The following TMEM132D variants were observed in gnomAD, a reference collection of about 807,000 sequenced individuals.
The protein encoded by TMEM132D is transmembrane protein 132D.
TMEM132D carries 21 observed loss-of-function variants against 62.3 expected under a neutral mutation model. The observed-to-expected ratio is 0.34, with a 90% CI of 0.24 to 0.49. TMEM132D has a LOEUF of 0.49. Among genes scored for constraint, TMEM132D ranks in the 20% least tolerant of loss-of-function variants. The probability of loss-of-function intolerance (pLI) is 0.99; values close to 1 mark genes in which losing one functional copy is unlikely to be tolerated. For synonymous variants in TMEM132D, 621 were observed against 575.6 expected, an observed-to-expected ratio of 1.08 and a Z score of -1.13; for missense variants, 1,346 against 1,402.8, an observed-to-expected ratio of 0.96 and a Z score of 0.65.
chr12:129,648,880 G>A (rs1879854999), intron 2 of TMEM132D, among the ~76,000 whole-genome samples: 1 of 151,918 alleles, frequency 6.6e-6, no homozygotes, highest in African/African-American at 2.4e-5. Context: ...TATATAATTG[G>A]TAAATTAAAA....
chr12:129,378,385 A>C (rs1391241547), intron 3 of TMEM132D, among the ~76,000 whole-genome samples: 1 of 152,026 alleles, frequency 6.6e-6, no homozygotes. Context: ...ACCACCCAGC[A>C]CTCTTGAAAC....
intron 2 of TMEM132D, among the ~76,000 whole-genome samples, chr12:129,620,483 T>C (rs542753393): frequency 6.6e-6 from 1 of 152,248 alleles, no homozygotes; most frequent in South Asian, 2.1e-4. Flanking sequence ...CCTGTAATCC[T>C]AGCTGCTCGG....
intron 3 of TMEM132D, among the ~76,000 whole-genome samples, chr12:129,452,423 C>G (rs985041083): frequency 2.0e-5 from 3 of 152,208 alleles, no homozygotes; most frequent in African/African-American, 7.2e-5. Context: ...ATTTGGCTCA[C>G]ATTCCTTCCT....
At chr12:129,674,677 T>C (rs1209678785) in intron 2 of TMEM132D, among the ~76,000 whole-genome samples, 2 of 152,106 alleles carry the variant, frequency 1.3e-5, no homozygotes, top group Admixed American at 6.5e-5. Context: ...GTAGCTGGGA[T>C]TACAGGCACA....
intron 3 of TMEM132D, among the ~76,000 whole-genome samples, chr12:129,434,567 G>A (rs1210738391): frequency 6.6e-6 from 1 of 152,130 alleles, no homozygotes; most frequent in Non-Finnish European, 1.5e-5. Flanking sequence ...CTAACCCAGG[G>A]CTGCAGAGGA....
chr12:129,259,260 G>A (rs74731566), intron 4 of TMEM132D, among the ~76,000 whole-genome samples: 3,832 of 152,240 alleles, frequency 0.025, 160 homozygotes, highest in African/African-American at 0.087. Context: ...GTATCCATAC[G>A]GTGAGTGTTG....
intron 3 of TMEM132D, among the ~76,000 whole-genome samples, chr12:129,474,936 G>A (rs1874215404): frequency 6.6e-6 from 1 of 152,172 alleles, no homozygotes; most frequent in African/African-American, 2.4e-5. Flanking sequence ...CAGGCTGCAT[G>A]CCATAATCCA....
chr12:129,608,353 A>G (rs1878682438), intron 2 of TMEM132D, among the ~76,000 whole-genome samples: 1 of 152,124 alleles, frequency 6.6e-6, no homozygotes, highest in Non-Finnish European at 1.5e-5. Context: ...TTCAGTCTGG[A>G]CTAGGACTTG....
intron 5 of TMEM132D, among the ~76,000 whole-genome samples, chr12:129,108,669 C>T (rs1439850609): frequency 6.6e-6 from 1 of 152,176 alleles, no homozygotes; most frequent in African/African-American, 2.4e-5. Context: ...TATAGACACA[C>T]TCAGATGCAT....
intron 5 of TMEM132D, among the ~76,000 whole-genome samples, chr12:129,093,820 T>C (rs958379095): frequency 9.2e-5 from 14 of 152,230 alleles, no homozygotes; most frequent in African/African-American, 3.4e-4. Flanking sequence ...CAGCATGTAC[T>C]GGTACCAAAA....
At chr12:129,394,717 G>A (rs150033167) in intron 3 of TMEM132D, among the ~76,000 whole-genome samples, 15 of 152,314 alleles carry the variant, frequency 9.8e-5, no homozygotes, top group African/African-American at 3.6e-4. Flanking sequence ...GTGACACCAC[G>A]CCAGCTCAAA....
intron 3 of TMEM132D, among the ~76,000 whole-genome samples, chr12:129,506,327 C>T (rs1039211437): frequency 1.1e-4 from 16 of 152,116 alleles, no homozygotes; most frequent in African/African-American, 3.9e-4. Context: ...CAAAATACCA[C>T]CATCATTCTT....
intron 3 of TMEM132D, among the ~76,000 whole-genome samples, chr12:129,374,176 G>A (rs769545640): frequency 4.1e-4 from 62 of 152,022 alleles, no homozygotes; most frequent in Non-Finnish European, 7.8e-4. Context: ...TCTGGAAGAT[G>A]GAAGGTCTGA....
chr12:129,370,863 A>T (rs1870574260), intron 3 of TMEM132D, among the ~76,000 whole-genome samples: 1 of 152,218 alleles, frequency 6.6e-6, no homozygotes, highest in Non-Finnish European at 1.5e-5. Context: ...TAATAGTCAC[A>T]TGGGGCTGGA....
intron 1 of TMEM132D, among the ~76,000 whole-genome samples, chr12:129,794,781 G>A (rs1031400): frequency 0.57 from 86,626 of 151,950 alleles, 26,814 homozygotes; most frequent in Non-Finnish European, 0.71. Flanking sequence ...GCTGTTAATG[G>A]GAAAATGATT....
chr12:129,388,228 C>T lies in TMEM132D; in HGVS notation c.1116-50411G>A, dbSNP rs77258345. On this transcript the variant is annotated intron_variant, in intron 3 of 8. Transcript: ENST00000422113. Reference sequence around the variant, plus strand: ...ACTGATAATAATATTAACACTAACACGAATCCTAATATAAACACTAACACC... The same window carrying T: ...ACTGATAATAATATTAACACTAACATGAATCCTAATATAAACACTAACACC... Among the ~76,000 whole-genome samples, 18 of 127,602 alleles carry T rather than the reference C, an allele frequency of 1.4e-4. 2 individuals are homozygous for T. In the South Asian group the frequency reaches 2.3e-3, roughly 16 times the overall value. The allele number at this position is 127,602 out of a possible 152,430, so 83.7% of individuals were successfully genotyped here.
At chr12:129,851,292 C>T (rs954882950) in intron 1 of TMEM132D, among the ~76,000 whole-genome samples, 2 of 152,186 alleles carry the variant, frequency 1.3e-5, no homozygotes, top group East Asian at 3.8e-4. Flanking sequence ...AGTTGACTTG[C>T]TTTTCACATT....
intron 3 of TMEM132D, among the ~76,000 whole-genome samples, chr12:129,493,861 A>G (rs574711033): frequency 2.8e-4 from 42 of 152,318 alleles, no homozygotes; most frequent in East Asian, 1.2e-3. Context: ...AATAATCCCA[A>G]TTCTCCACCC....
chr12:129,082,146 GT>G, intron 6 of TMEM132D, 114 bp from the exon 7 acceptor site: 1 of 1,320,220 alleles, frequency 7.6e-7, no homozygotes, highest in Non-Finnish European at 1.0e-6. Context: ...ACTTCAAGGA[GT>G]TTATAGCCAG....
Sources: allele counts gnomAD v4.1 joint callset (sites outside exome capture counted in the v4.1 genomes callset), GRCh38; gene constraint gnomAD v4.1.1; transcripts MANE v1.5; gene names NCBI Gene and HGNC (gene_info 2026-07-23, HGNC 2026-07-21).